Variants in ADAM23 observed in about 807,000 individuals in gnomAD.
ADAM23 encodes the protein ADAM metallopeptidase domain 23, also known as disintegrin and metalloproteinase domain-containing protein 23.
ADAM23 carries 33 observed loss-of-function variants against 120.1 expected under a neutral mutation model. The ratio of observed to expected loss-of-function variants is 0.27; its 90% CI spans 0.21 to 0.37. ADAM23 has a LOEUF of 0.37. ADAM23 is among the 10% of genes least tolerant of loss of function. The pLI, the probability that ADAM23 is intolerant of heterozygous loss-of-function variation, is 1.00. For missense variants in ADAM23, 862 were observed against 1,058.2 expected (o/e 0.81, Z 2.57); for synonymous variants, 367 against 375.2 (o/e 0.98, Z 0.25).
intron 2 of ADAM23, among the ~76,000 whole-genome samples, chr2:206,448,883 T>C (rs980861524): frequency 6.6e-6 from 1 of 152,206 alleles, no homozygotes; most frequent in African/African-American, 2.4e-5. Flanking sequence ...AAGTAAAGTA[T>C]TTCCTGAGTT....
At chr2:206,445,940 T>G (rs1375767506) in intron 2 of ADAM23, among the ~76,000 whole-genome samples, 1 of 152,228 alleles carries the variant, frequency 6.6e-6, no homozygotes, top group Admixed American at 6.5e-5. Context: ...AAGAAGCTAT[T>G]TGGCTGCAGT....
intron 2 of ADAM23, among the ~76,000 whole-genome samples, chr2:206,459,534 C>G (rs1451304383): frequency 6.6e-6 from 1 of 152,154 alleles, no homozygotes; most frequent in African/African-American, 2.4e-5. Flanking sequence ...ATGTGTTAAA[C>G]ATTTATTAAC....
intron 2 of ADAM23, among the ~76,000 whole-genome samples, chr2:206,472,361 G>T (rs1695677203): frequency 6.6e-6 from 1 of 152,032 alleles, no homozygotes; most frequent in Admixed American, 6.6e-5. Flanking sequence ...TGTAATCCCA[G>T]TACCTTGGGA....
At chr2:206,513,388 T>C (rs1157311573) in intron 3 of ADAM23, among the ~76,000 whole-genome samples, 3 of 152,150 alleles carry the variant, frequency 2.0e-5, no homozygotes, top group South Asian at 2.1e-4. Context: ...ATGTTCTGGA[T>C]AGAAGATCAA....
rs770992807 is a variant in ADAM23 at position 206,559,957 on chromosome 2, T to C, written c.1008T>C (p.Ile336=). Reference sequence around the variant, plus strand: ...CCTGTCCTGTTGTATACCCTCAGATTTACAAGGAGCAGCTCAACACCAGGG... The same window carrying C: ...CCTGTCCTGTTGTATACCCTCAGATCTACAAGGAGCAGCTCAACACCAGGG... ...AKSVVNLVDS[I]YKEQLNTRVV... Residue 336 remains isoleucine (I), a splice_region_variant and synonymous_variant, in exon 11 of 26, where the codon ATT becomes ATC. Transcript: ENST00000264377. 8.1e-6 allele frequency: 13 copies of C among 1,612,332 alleles called. No homozygotes were observed. Among genetic ancestry groups the C allele is most frequent in the Non-Finnish European group, 1.1e-5 (13 of 1,179,238 alleles).
At chr2:206,490,033 A>G (rs1013829968) in intron 3 of ADAM23, among the ~76,000 whole-genome samples, 4 of 152,226 alleles carry the variant, frequency 2.6e-5, no homozygotes, top group Admixed American at 6.5e-5. Flanking sequence ...TATATTTGGA[A>G]TGAAGTCTTT....
chr2:206,537,663 C>A (rs1697206019), intron 4 of ADAM23, among the ~76,000 whole-genome samples: 1 of 151,996 alleles, frequency 6.6e-6, no homozygotes, highest in Admixed American at 6.6e-5. Context: ...TCTCAGCTTG[C>A]CATAATTGGG....
intron 2 of ADAM23, among the ~76,000 whole-genome samples, chr2:206,477,012 A>G (rs1031193518): frequency 6.6e-6 from 1 of 152,172 alleles, no homozygotes; most frequent in African/African-American, 2.4e-5. Flanking sequence ...GATTAGATAT[A>G]GAGTTATTTT....
At chr2:206,461,648 T>G (rs746288920) in intron 2 of ADAM23, among the ~76,000 whole-genome samples, 6 of 152,168 alleles carry the variant, frequency 3.9e-5, no homozygotes, top group Non-Finnish European at 7.3e-5. Context: ...TTTATAAGTC[T>G]CAGGTGATTT....
At chr2:206,561,269 C>A in intron 12 of ADAM23, 57 bp downstream of exon 12, 1 of 1,424,098 alleles carries the variant, frequency 7.0e-7, no homozygotes, top group Non-Finnish European at 9.9e-7. Context: ...TTCCCTATGG[C>A]CCAGTTTACA....
chr2:206,570,533 T>C (rs1443341051), intron 15 of ADAM23, among the ~76,000 whole-genome samples: 5 of 152,186 alleles, frequency 3.3e-5, no homozygotes, highest in African/African-American at 1.2e-4. Context: ...CAAGAGATAT[T>C]GCCCCATTTC....
At chr2:206,500,443 T>C (rs1263805125) in intron 3 of ADAM23, among the ~76,000 whole-genome samples, 1 of 152,184 alleles carries the variant, frequency 6.6e-6, no homozygotes, top group Non-Finnish European at 1.5e-5. Flanking sequence ...TGCTCAAAAG[T>C]AGCTTTTAGA....
intron 15 of ADAM23, among the ~76,000 whole-genome samples, chr2:206,567,613 A>G (rs1156300533): frequency 6.6e-6 from 1 of 152,202 alleles, no homozygotes; most frequent in Non-Finnish European, 1.5e-5. Flanking sequence ...TGAGATTTTC[A>G]TGTTAAGATT....
At chr2:206,575,536 T>C (rs1273652734) in intron 18 of ADAM23, among the ~76,000 whole-genome samples, 3 of 152,134 alleles carry the variant, frequency 2.0e-5, no homozygotes, top group Non-Finnish European at 4.4e-5. Context: ...CAGGACAAGC[T>C]CCTAAAAATG....
At chr2:206,602,633 ATCT>A (rs1698661238) in intron 24 of ADAM23, among the ~76,000 whole-genome samples, 1 of 152,158 alleles carries the variant, frequency 6.6e-6, no homozygotes, top group South Asian at 2.1e-4. Flanking sequence ...GAAATAATGC[ATCT>A]TCTTATTTGA....
intron 24 of ADAM23, among the ~76,000 whole-genome samples, chr2:206,601,793 GA>G (rs1410671973): frequency 6.7e-6 from 1 of 149,560 alleles, no homozygotes; most frequent in Non-Finnish European, 1.5e-5. Flanking sequence ...AAAAAAAGCT[GA>G]ATATTAAGTT....
chr2:206,471,967 G>A (rs1695669120), intron 2 of ADAM23, among the ~76,000 whole-genome samples: 2 of 152,208 alleles, frequency 1.3e-5, no homozygotes. Flanking sequence ...CCAAAGGCTT[G>A]TAATTCAGTC....
In ADAM23 at chr2:206,530,931, A is replaced by G; in HGVS notation, c.556A>G (p.Lys186Glu). ...DYVEIHYENG[K>E]PQYSKGGEHC... ...TGTGGAGATTCACTACGAAAATGGG[A>G]AACCACAGTACTCTAAGGTACGGTT... Residue 186 changes from lysine (K) to glutamate (E), a missense_variant, in exon 4 of 26, where the codon AAA becomes GAA. Lys to Glu is a moderately conservative substitution (Grantham distance 56). Transcript: ENST00000264377. 2.5e-6 allele frequency: 4 copies of G among 1,613,898 alleles called. No homozygotes were observed. The South Asian group carries it at 4.4e-5, about 18-fold the overall frequency.
At chr2:206,594,641 G>T in intron 22 of ADAM23, 96 bp from the exon 23 acceptor site, 1 of 1,405,104 alleles carries the variant, frequency 7.1e-7, no homozygotes, top group Non-Finnish European at 9.8e-7. Context: ...CACATCCACT[G>T]ACAGCCTCTT....
Sources: gnomAD v4.1 joint callset for allele counts (sites outside exome capture counted in the v4.1 genomes callset) on GRCh38, gnomAD v4.1.1 for gene constraint, MANE v1.5 for transcripts, NCBI Gene and HGNC (gene_info 2026-07-23, HGNC 2026-07-21) for gene names.